TRAPPC8: variants seen among roughly 807,000 people sequenced by gnomAD.
The protein encoded by TRAPPC8 is general sporulation gene 1 homolog.
A neutral mutation model predicts 174.3 loss-of-function variants in TRAPPC8; 54 were observed. The observed-to-expected ratio is 0.31, with a 90% confidence interval of 0.25 to 0.39. The LOEUF (loss-of-function observed/expected upper bound fraction) is 0.39, where lower values mean the gene tolerates loss of function less well. TRAPPC8 is among the 10% of genes least tolerant of loss of function. The probability of loss-of-function intolerance (pLI) is 1.00; values close to 1 mark genes in which losing one functional copy is unlikely to be tolerated. For missense variants in TRAPPC8, 1,531 were observed against 1,699.1 expected, an observed-to-expected ratio of 0.90 and a Z score of 1.74; for synonymous variants, 630 against 579.9, an observed-to-expected ratio of 1.09 and a Z score of -1.24.
At chr18:31,877,092 G>T (rs955526652) in intron 12 of TRAPPC8, among the ~76,000 whole-genome samples, 7 of 152,198 alleles carry the variant, frequency 4.6e-5, no homozygotes, top group Non-Finnish European at 1.0e-4. Context: ...GGGAAGGGGG[G>T]ACAGTAGCCT....
chr18:31,850,261 C>T lies in TRAPPC8; in HGVS notation c.3562-522G>A, dbSNP rs373542805. Among the ~76,000 whole-genome samples, 5 of 152,198 alleles carry T rather than the reference C, an allele frequency of 3.3e-5. No individual in the cohort carries two copies. In the East Asian group the frequency reaches 9.6e-4, roughly 29 times the overall value. On this transcript the variant is annotated intron_variant, in intron 24 of 28. Transcript: ENST00000283351. ...ACACTGCACCCAGCTGCAAGTTACCCTGAATCTTAAAGCCGTCACCCCAAA... is the reference window on the plus strand; with the variant it reads ...ACACTGCACCCAGCTGCAAGTTACCTTGAATCTTAAAGCCGTCACCCCAAA...
At chr18:31,883,241 AAAGAG>A (rs888187715) in intron 12 of TRAPPC8, 2 of 148,538 alleles carry the variant, frequency 1.3e-5, no homozygotes, top group Non-Finnish European at 3.0e-5. Flanking sequence ...AAAAAAAAAA[AAAGAG>A]AGAGGTACAG....
intron 10 of TRAPPC8, among the ~76,000 whole-genome samples, chr18:31,900,038 G>A (rs987702280): frequency 3.3e-5 from 5 of 152,034 alleles, no homozygotes; most frequent in African/African-American, 1.2e-4. Context: ...AAGCATTCGA[G>A]ACCAGCCTGG....
At chr18:31,937,893 G>C (rs1244425369) in intron 1 of TRAPPC8, among the ~76,000 whole-genome samples, 2 of 152,002 alleles carry the variant, frequency 1.3e-5, no homozygotes, top group Non-Finnish European at 2.9e-5. Context: ...AGTAGAGATG[G>C]GGTTTCGCCA....
At chr18:31,845,015 C>A (rs1314593862) in intron 26 of TRAPPC8, 1 of 151,676 alleles carries the variant, frequency 6.6e-6, no homozygotes, top group Non-Finnish European at 1.5e-5. Context: ...GTAATCCCAG[C>A]ACTTTGGGAG....
intron 11 of TRAPPC8, among the ~76,000 whole-genome samples, chr18:31,891,804 A>G (rs537715453): frequency 7.9e-5 from 12 of 152,320 alleles, no homozygotes; most frequent in African/African-American, 2.9e-4. Flanking sequence ...AGTTACATCA[A>G]AAGTGTTCAC....
chr18:31,922,207 T>C (rs2037419834), intron 2 of TRAPPC8, among the ~76,000 whole-genome samples: 1 of 152,186 alleles, frequency 6.6e-6, no homozygotes, highest in Middle Eastern at 3.2e-3. Flanking sequence ...GTACACATAA[T>C]TAAAAATAAA....
At chr18:31,873,950 T>C (rs1260589763) in intron 13 of TRAPPC8, 1 of 173,828 alleles carries the variant, frequency 5.8e-6, no homozygotes, top group East Asian at 1.7e-4. Flanking sequence ...TGGGAAAAAA[T>C]TTACAACTTC....
intron 25 of TRAPPC8, among the ~76,000 whole-genome samples, chr18:31,847,753 G>A (rs1005643028): frequency 1.3e-5 from 2 of 152,032 alleles, no homozygotes; most frequent in East Asian, 3.9e-4. Context: ...GACAGATAAG[G>A]GTCTGAGACT....
intron 24 of TRAPPC8, among the ~76,000 whole-genome samples, chr18:31,849,995 C>CAGG (rs1183747012): frequency 6.6e-6 from 1 of 151,800 alleles, no homozygotes; most frequent in African/African-American, 2.4e-5. Context: ...CTCTGTCATC[C>CAGG]AGGCTGGAGT....
At chr18:31,854,447 A>C (rs1002926846) in intron 21 of TRAPPC8, among the ~76,000 whole-genome samples, 12 of 152,100 alleles carry the variant, frequency 7.9e-5, no homozygotes, top group Admixed American at 2.6e-4. Context: ...GAAATTATTA[A>C]AATATTCTCA....
At chr18:31,865,778 G>A (rs1030778718) in intron 18 of TRAPPC8, among the ~76,000 whole-genome samples, 5 of 151,142 alleles carry the variant, frequency 3.3e-5, no homozygotes, top group Non-Finnish European at 7.4e-5. Context: ...CTTTAAAAAT[G>A]CAATAAATTA....
chr18:31,892,208 C>T (rs570231320), intron 11 of TRAPPC8, among the ~76,000 whole-genome samples: 1 of 152,244 alleles, frequency 6.6e-6, no homozygotes, highest in South Asian at 2.1e-4. Flanking sequence ...ATGTCATTTG[C>T]CAGAGTAACT....
At chr18:31,898,168 T>C (rs185932262) in intron 10 of TRAPPC8, among the ~76,000 whole-genome samples, 274 of 152,288 alleles carry the variant, frequency 1.8e-3, no homozygotes, top group African/African-American at 6.3e-3. Flanking sequence ...ATGTAAATCA[T>C]TGTTATACTT....
intron 5 of TRAPPC8, among the ~76,000 whole-genome samples, chr18:31,913,122 T>A (rs1295876631): frequency 2.2e-4 from 33 of 151,228 alleles, no homozygotes; most frequent in Admixed American, 2.2e-3. Flanking sequence ...AGCAAGACTC[T>A]GTCTCAAAAA....
Position 31,890,808 on chromosome 18 carries a change from A to T in TRAPPC8, c.1655T>A (p.Met552Lys). ...LEQAAHCFIN[M>K]KSPMVRKYAF... is the part of the protein sequence containing the mutation. ...ATATTTTCTAACCATGGGACTTTTC[A>T]TGTTTATAAAGCAATGTGCTGCCTG... The change falls in exon 12 of 29, where the codon ATG (methionine) becomes AAG (lysine). Residue 552 changes from methionine (M) to lysine (K), a missense_variant. Transcript: ENST00000283351. 2 of 1,612,712 alleles carry T rather than the reference A, an allele frequency of 1.2e-6. No individual in the cohort carries two copies. The highest frequency in any genetic ancestry group is 1.7e-6 in the Non-Finnish European group (2 of 1,179,158).
intron 5 of TRAPPC8, among the ~76,000 whole-genome samples, chr18:31,911,754 CTCAAAAAA>C (rs2036915520): frequency 1.6e-5 from 1 of 64,232 alleles, no homozygotes; most frequent in Non-Finnish European, 2.7e-5. Flanking sequence ...AAGACTCCGT[CTCAAAAAA>C]AAAAAAAAAA....
intron 2 of TRAPPC8, among the ~76,000 whole-genome samples, chr18:31,928,204 T>TA (rs983859609): frequency 6.6e-6 from 1 of 150,412 alleles, no homozygotes; most frequent in Non-Finnish European, 1.5e-5. Context: ...TTAAATAAAA[T>TA]AAAAAATACA....
intron 12 of TRAPPC8, among the ~76,000 whole-genome samples, chr18:31,888,375 A>C (rs961393627): frequency 1.3e-5 from 2 of 152,028 alleles, no homozygotes; most frequent in African/African-American, 4.8e-5. Context: ...CTCTACTAAA[A>C]ATACAGTATT....
Sources: gnomAD v4.1 joint callset for allele counts (sites outside exome capture counted in the v4.1 genomes callset) on GRCh38, gnomAD v4.1.1 for gene constraint, MANE v1.5 for transcripts, NCBI Gene and HGNC (gene_info 2026-07-23, HGNC 2026-07-21) for gene names.